The following GABRA4 variants were observed in gnomAD, a reference collection of about 807,000 sequenced individuals.
The protein encoded by GABRA4 is gamma-aminobutyric acid type A receptor subunit alpha4.
In GABRA4, 12 loss-of-function variants were observed where a neutral mutation model predicts 49.7. That is an observed-to-expected ratio of 0.24 (90% CI 0.15 to 0.39). The LOEUF is 0.39. Ranked by LOEUF, GABRA4 falls within the 10% of genes least tolerant of loss-of-function variation. The pLI, the probability that GABRA4 is intolerant of heterozygous loss-of-function variation, is 1.00. For missense variants in GABRA4, 506 were observed against 686.0 expected, an observed-to-expected ratio of 0.74 and a Z score of 2.93; for synonymous variants, 288 against 240.2, an observed-to-expected ratio of 1.20 and a Z score of -1.84.
intron 8 of GABRA4, among the ~76,000 whole-genome samples, chr4:46,932,990 A>G (rs1394065863): frequency 6.6e-6 from 1 of 152,168 alleles, no homozygotes; most frequent in Non-Finnish European, 1.5e-5. Flanking sequence ...TTACATTTGA[A>G]GAATATGCCT....
At chr4:46,938,428 G>T (rs545247245) in intron 8 of GABRA4, among the ~76,000 whole-genome samples, 3 of 152,054 alleles carry the variant, frequency 2.0e-5, no homozygotes, top group Non-Finnish European at 2.9e-5. Context: ...GGCAACAGGG[G>T]CACTGTCTTA....
In GABRA4 at chr4:46,919,865, G is replaced by A. The variant is rs184689725; in HGVS notation, c.*8360C>T. ...AACTACAGACATTCAAAGTATTATCGCATAGATACACCTTTGCATGAAAAC... is the reference window on the plus strand; with the variant it reads ...AACTACAGACATTCAAAGTATTATCACATAGATACACCTTTGCATGAAAAC... On this transcript the variant is annotated 3_prime_UTR_variant, in exon 9 of 9. Coordinates refer to ENST00000264318, the MANE Select transcript of GABRA4 (RefSeq NM_000809.4). 2.9e-4 allele frequency: 44 copies of A among 151,644 alleles called. 1 individual carries two copies. Among genetic ancestry groups the A allele is most frequent in the South Asian group, 8.3e-4 (4 of 4,812 alleles). The allele number at this position is 151,644 out of a possible 1,614,324, so 9.4% of individuals were successfully genotyped here.
chr4:46,977,853 A>T (rs535772580), intron 3 of GABRA4, among the ~76,000 whole-genome samples: 1 of 152,208 alleles, frequency 6.6e-6, no homozygotes, highest in South Asian at 2.1e-4. Context: ...CATTCATAAG[A>T]TAAATAAATT....
chr4:46,968,785 A>G (rs1722852984), intron 7 of GABRA4, among the ~76,000 whole-genome samples: 1 of 151,564 alleles, frequency 6.6e-6, no homozygotes, highest in African/African-American at 2.4e-5. Context: ...GGAAATTTCT[A>G]TTATTTTGGG....
At chr4:46,971,561 T>C (rs558316841) in intron 6 of GABRA4, among the ~76,000 whole-genome samples, 2 of 151,476 alleles carry the variant, frequency 1.3e-5, no homozygotes, top group Non-Finnish European at 3.0e-5. Context: ...CAGCGTTTTT[T>C]AGAAACAGCA....
At chr4:46,984,188 C>T (rs565623992) in intron 2 of GABRA4, among the ~76,000 whole-genome samples, 3 of 152,106 alleles carry the variant, frequency 2.0e-5, no homozygotes, top group Admixed American at 1.3e-4. Flanking sequence ...ACTAGTCCAT[C>T]CTCATTTTCC....
rs940527427 is a variant in GABRA4 at position 46,919,812 on chromosome 4, C to T, written c.*8413G>A. 1.3e-5 allele frequency: 2 copies of T among 151,424 alleles called. No homozygotes were observed. Among genetic ancestry groups the T allele is most frequent in the African/African-American group, 2.4e-5 (1 of 41,356 alleles). 9.4% of individuals were successfully genotyped at this position (151,424 alleles called of 1,614,324 possible). ...GGGATTTCCTTCATTAAGGATAAGC[C>T]AGTGGAAAAAATTAACCTTCTATTT... is the stretch of plus-strand genomic sequence containing the variant. On this transcript the variant is annotated 3_prime_UTR_variant, in exon 9 of 9. Transcript: ENST00000264318.
chr4:46,993,027 T>A (rs1319065824), intron 1 of GABRA4, 81 bp from the exon 2 acceptor site: 2 of 1,099,870 alleles, frequency 1.8e-6, no homozygotes, highest in East Asian at 4.7e-5. Flanking sequence ...ACAGGTTTGT[T>A]TTCTAGGGAA....
chr4:46,965,405 G>T (rs747209412), intron 7 of GABRA4, among the ~76,000 whole-genome samples, 176 bp from the exon 8 acceptor site: 2 of 151,856 alleles, frequency 1.3e-5, no homozygotes, highest in African/African-American at 2.4e-5. Context: ...AATAAAATTA[G>T]CACAGGCTTT....
chr4:46,969,519 A>T (rs1560477301), intron 7 of GABRA4, among the ~76,000 whole-genome samples: 1 of 151,572 alleles, frequency 6.6e-6, no homozygotes, highest in Non-Finnish European at 1.5e-5. Flanking sequence ...AGAGCATCCA[A>T]TAGTACAACA....
intron 8 of GABRA4, among the ~76,000 whole-genome samples, chr4:46,943,550 G>A (rs1046115958): frequency 4.6e-5 from 7 of 151,942 alleles, no homozygotes; most frequent in Non-Finnish European, 8.8e-5. Context: ...TGTTTTCAGG[G>A]GAAACAATTA....
chr4:46,967,032 G>A (rs1367209644), intron 7 of GABRA4, among the ~76,000 whole-genome samples: 1 of 151,576 alleles, frequency 6.6e-6, no homozygotes, highest in Non-Finnish European at 1.5e-5. Context: ...TGAGATATAT[G>A]AATAAACAAT....
intron 8 of GABRA4, among the ~76,000 whole-genome samples, chr4:46,935,694 G>A (rs771047901): frequency 7.2e-5 from 11 of 152,094 alleles, no homozygotes; most frequent in Non-Finnish European, 1.6e-4. Context: ...GGGAGGGATA[G>A]CATTGGGAGA....
At chr4:46,954,924 G>T (rs1722289706) in intron 8 of GABRA4, among the ~76,000 whole-genome samples, 2 of 152,064 alleles carry the variant, frequency 1.3e-5, no homozygotes, top group South Asian at 4.2e-4. Context: ...GGCTCAGTTT[G>T]CTCAACCATA....
intron 8 of GABRA4, among the ~76,000 whole-genome samples, chr4:46,954,073 T>A (rs1722260958): frequency 6.6e-6 from 1 of 152,256 alleles, no homozygotes; most frequent in South Asian, 2.1e-4. Context: ...ATGAAGTGCT[T>A]AAAATATTCT....
At chr4:46,971,781 C>A (rs1577782744) in intron 6 of GABRA4, among the ~76,000 whole-genome samples, 1 of 150,746 alleles carries the variant, frequency 6.6e-6, no homozygotes, top group Non-Finnish European at 1.5e-5. Context: ...GAGAGGCTAC[C>A]ATAGTTTTAG....
chr4:46,933,892 TG>T (rs1329265418), intron 8 of GABRA4, among the ~76,000 whole-genome samples: 1 of 152,200 alleles, frequency 6.6e-6, no homozygotes, highest in Admixed American at 6.5e-5. Context: ...AGATGCAAGG[TG>T]GTAGATTTAA....
At chr4:46,948,939 T>A (rs1180428113) in intron 8 of GABRA4, among the ~76,000 whole-genome samples, 3 of 152,082 alleles carry the variant, frequency 2.0e-5, no homozygotes, top group Non-Finnish European at 4.4e-5. Context: ...TATTTTCTTT[T>A]CCTAAATGAG....
Position 46,974,220 on chromosome 4 carries a change from T to G in GABRA4, c.721+12A>C. On this transcript the variant is annotated intron_variant, in intron 6 of 8. Coordinates refer to ENST00000264318, the MANE Select transcript of GABRA4 (RefSeq NM_000809.4). ...CAAGTAGCATGTCGGCTTTAATCATTACACATCTCACCCGTAATTGATTTG... is the reference window on the plus strand; with the variant it reads ...CAAGTAGCATGTCGGCTTTAATCATGACACATCTCACCCGTAATTGATTTG... 2 of 1,609,312 alleles carry G rather than the reference T, an allele frequency of 1.2e-6. No individual in the cohort carries two copies. The highest frequency in any genetic ancestry group is 8.5e-7 in the Non-Finnish European group (1 of 1,177,284).
Sources: allele counts gnomAD v4.1 joint callset (sites outside exome capture counted in the v4.1 genomes callset), GRCh38; gene constraint gnomAD v4.1.1; transcripts MANE v1.5; gene names NCBI Gene and HGNC (gene_info 2026-07-23, HGNC 2026-07-21).